ARHGEF3: variants seen among roughly 807,000 people sequenced by gnomAD.
ARHGEF3 encodes 59.8 kDA protein.
A neutral mutation model predicts 63.2 loss-of-function variants in ARHGEF3; 28 were observed. The ratio of observed to expected loss-of-function variants is 0.44; its 90% confidence interval spans 0.33 to 0.61. The LOEUF (loss-of-function observed/expected upper bound fraction) is 0.61. ARHGEF3 is among the 20% of genes least tolerant of loss of function. The pLI is 0.03. For synonymous variants in ARHGEF3, 266 were observed against 254.2 expected (o/e 1.05, Z -0.44); for missense variants, 533 against 659.3 (o/e 0.81, Z 2.10).
At chr3:56,858,372 G>A (rs959774846) in intron 4 of ARHGEF3, among the ~76,000 whole-genome samples, 4 of 151,956 alleles carry the variant, frequency 2.6e-5, no homozygotes, top group African/African-American at 9.7e-5. Context: ...AATTTTAATG[G>A]GTTTAAGCCT....
At chr3:56,729,991 G>T (rs567408720) in intron 9 of ARHGEF3, among the ~76,000 whole-genome samples, 2 of 152,298 alleles carry the variant, frequency 1.3e-5, no homozygotes, top group South Asian at 2.1e-4. Flanking sequence ...AGGCTGAAGT[G>T]GGAGCACTGC....
At chr3:57,043,456 A>C (rs933524473) in intron 1 of ARHGEF3, among the ~76,000 whole-genome samples, 1 of 150,488 alleles carries the variant, frequency 6.6e-6, no homozygotes, top group Non-Finnish European at 1.5e-5. Context: ...AAAAATGTTT[A>C]TATATGTTAG....
chr3:56,968,190 T>A (rs1290296901), intron 2 of ARHGEF3, among the ~76,000 whole-genome samples: 1 of 13,762 alleles, frequency 7.3e-5, no homozygotes, highest in African/African-American at 1.4e-4. Context: ...AAATATATAT[T>A]ATATATAATA....
At chr3:57,001,303 T>G (rs1246119410) in intron 2 of ARHGEF3, among the ~76,000 whole-genome samples, 1 of 152,244 alleles carries the variant, frequency 6.6e-6, no homozygotes, top group Non-Finnish European at 1.5e-5. Flanking sequence ...TGCATGCAGG[T>G]GATAACTGCT....
intron 1 of ARHGEF3, among the ~76,000 whole-genome samples, chr3:57,053,186 G>A (rs1005295396): frequency 9.9e-5 from 15 of 152,144 alleles, no homozygotes; most frequent in African/African-American, 3.1e-4. Flanking sequence ...ATTAAGAAAG[G>A]CCACCCTCCC....
chr3:56,898,745 C>A, intron 3 of ARHGEF3: 1 of 157,270 alleles, frequency 6.4e-6, no homozygotes, highest in Non-Finnish European at 1.4e-5. Flanking sequence ...CCACTGGGGA[C>A]CCCCTGAGAG....
chr3:56,941,886 T>A (rs886447837), intron 3 of ARHGEF3, among the ~76,000 whole-genome samples: 51 of 152,240 alleles, frequency 3.3e-4, no homozygotes, highest in African/African-American at 1.2e-3. Context: ...TGCTTTACAT[T>A]ATATGCCTCT....
rs376452675 is a variant in ARHGEF3 at position 56,751,089 on chromosome 3, C to T, written c.579G>A (p.Ser193=). ...QLRDVRKPDG[S]TEHVGPILVG... ...CGAGGATGGGACCAACATGTTCAGTCGAGCCATCAGGCTTCCTAACATCTC... is the reference window on the plus strand; with the variant it reads ...CGAGGATGGGACCAACATGTTCAGTTGAGCCATCAGGCTTCCTAACATCTC... Residue 193 remains serine (S), a synonymous_variant, in exon 6 of 10, where the codon TCG becomes TCA. Transcript: ENST00000296315. The T allele has an allele frequency of 1.8e-5, 29 of 1,614,056 alleles. No homozygotes were observed. The highest frequency in any genetic ancestry group is 5.0e-5 in the Admixed American group (3 of 60,010).
rs777575955 is a variant in ARHGEF3 at position 56,732,395 on chromosome 3, C to T, written c.1071G>A (p.Val357=). The T allele has an allele frequency of 1.9e-6, 3 of 1,614,002 alleles. No homozygotes were observed. Among genetic ancestry groups the T allele is most frequent in the Admixed American group, 1.7e-5 (1 of 59,994 alleles). ...GGGTGACGGCTCGAGTGATCACAAG[C>T]ACTTCTTGGAACAGGAAAACATGCA... ...VKLHVFLFQE[V]LVITRAVTHN... is the part of the protein sequence containing the mutation. Residue 357 remains valine, a synonymous_variant, in exon 9 of 10, where the codon GTG becomes GTA. Transcript: ENST00000296315.
chr3:56,737,360 G>A lies in ARHGEF3; in HGVS notation c.871-5C>T, dbSNP rs1235769054. ...AATTCCCTGAATGATATTTATCTAT[G>A]AAAACAAAGAGGAAAATTAAGTATG... On this transcript the variant is annotated splice_polypyrimidine_tract_variant and splice_region_variant and intron_variant, in intron 7 of 9. Transcript: ENST00000296315. 2 of 1,605,880 alleles carry A rather than the reference G, an allele frequency of 1.2e-6. No individual in the cohort carries two copies. Among genetic ancestry groups the A allele is most frequent in the East Asian group, 4.5e-5 (2 of 44,774 alleles).
chr3:57,065,025 G>A (rs371807045), intron 1 of ARHGEF3, among the ~76,000 whole-genome samples: 1 of 152,372 alleles, frequency 6.6e-6, no homozygotes, highest in South Asian at 2.1e-4. Context: ...GCTCTAAACT[G>A]AAGAGAAATG....
intron 2 of ARHGEF3, among the ~76,000 whole-genome samples, chr3:56,985,157 T>C (rs984987776): frequency 1.3e-5 from 2 of 152,244 alleles, no homozygotes; most frequent in African/African-American, 4.8e-5. Context: ...GGTGCAATCC[T>C]AGCTCACTGC....
intron 6 of ARHGEF3, among the ~76,000 whole-genome samples, chr3:56,749,240 C>A (rs1432567745): frequency 1.3e-5 from 2 of 152,182 alleles, no homozygotes; most frequent in Non-Finnish European, 2.9e-5. Context: ...ATCCAGATAG[C>A]AATGGGCCAG....
chr3:57,076,303 C>T (rs1706219163), intron 1 of ARHGEF3, among the ~76,000 whole-genome samples: 1 of 152,252 alleles, frequency 6.6e-6, no homozygotes, highest in Admixed American at 6.5e-5. Flanking sequence ...CCTCAGACCC[C>T]CTCTGGTGAG....
intron 1 of ARHGEF3, among the ~76,000 whole-genome samples, chr3:56,786,854 T>TA (rs2036844632): frequency 6.6e-6 from 1 of 150,902 alleles, no homozygotes; most frequent in Non-Finnish European, 1.5e-5. Context: ...GCAACTGACT[T>TA]AAAATGAAAG....
intron 1 of ARHGEF3, among the ~76,000 whole-genome samples, chr3:56,784,776 C>G (rs2036724189): frequency 6.6e-6 from 1 of 152,166 alleles, no homozygotes; most frequent in African/African-American, 2.4e-5. Context: ...TGCATTGATT[C>G]TTTGCAAAGG....
At chr3:56,841,080 C>T (rs2039293847) in intron 4 of ARHGEF3, among the ~76,000 whole-genome samples, 1 of 152,110 alleles carries the variant, frequency 6.6e-6, no homozygotes, top group African/African-American at 2.4e-5. Context: ...TTCTCTTTGC[C>T]CCCAGTAGAT....
At chr3:56,735,008 G>C (rs576553909) in intron 8 of ARHGEF3, among the ~76,000 whole-genome samples, 3 of 152,262 alleles carry the variant, frequency 2.0e-5, no homozygotes, top group Non-Finnish European at 4.4e-5. Flanking sequence ...ACTCAGCCAG[G>C]CACGGTGGCT....
chr3:57,074,517 C>T lies in ARHGEF3; in HGVS notation c.-28+4709G>A, dbSNP rs1300838413. On this transcript the variant is annotated intron_variant, in intron 1 of 12. Coordinates refer to the ARHGEF3 transcript ENST00000338458. Reference sequence around the variant, plus strand: ...GGTCACACAATCCAGATCTCATACTCTTAGCCCCCGGGGAACCTTCACTGT... The same window carrying T: ...GGTCACACAATCCAGATCTCATACTTTTAGCCCCCGGGGAACCTTCACTGT... 3 of 518,140 alleles carry T rather than the reference C, an allele frequency of 5.8e-6. No individual in the cohort carries two copies. The East Asian group carries it at 9.4e-5, about 16-fold the overall frequency. The allele number at this position is 518,140 out of a possible 1,614,324, so 32.1% of individuals were successfully genotyped here. A position where few individuals can be genotyped will look rare whatever the true frequency, so the allele number is the denominator to read the frequency against.
Sources: allele counts gnomAD v4.1 joint callset (sites outside exome capture counted in the v4.1 genomes callset), GRCh38; gene constraint gnomAD v4.1.1; transcripts MANE v1.5; gene names NCBI Gene and HGNC (gene_info 2026-07-23, HGNC 2026-07-21).